The following VPS13B variants were observed in gnomAD, a reference collection of about 807,000 sequenced individuals.
The protein encoded by VPS13B is intermembrane lipid transfer protein VPS13B.
In VPS13B, 285 loss-of-function variants were observed where a neutral mutation model predicts 426.4. The observed-to-expected ratio is 0.67, with a 90% CI of 0.61 to 0.74. VPS13B has a LOEUF of 0.74. VPS13B is among the 30% of genes least tolerant of loss of function. The pLI is 0.00. For missense variants in VPS13B, 4,537 were observed against 4,782.6 expected, an observed-to-expected ratio of 0.95 and a Z score of 1.51; for synonymous variants, 1,676 against 1,676.4, an observed-to-expected ratio of 1.00 and a Z score of 0.01.
chr8:99,506,064 T>A (rs552560146), intron 27 of VPS13B, among the ~76,000 whole-genome samples: 1 of 152,224 alleles, frequency 6.6e-6, no homozygotes, highest in Non-Finnish European at 1.5e-5. Flanking sequence ...TGCAACCCAG[T>A]TGATGGCTCT....
At chr8:99,861,114 T>A (rs757539628) in intron 57 of VPS13B, among the ~76,000 whole-genome samples, 2 of 152,182 alleles carry the variant, frequency 1.3e-5, no homozygotes, top group African/African-American at 2.4e-5. Context: ...ATTTTAACCT[T>A]CAAAATTGGG....
At chr8:99,165,047 A>G (rs548866737) in intron 15 of VPS13B, among the ~76,000 whole-genome samples, 17 of 152,336 alleles carry the variant, frequency 1.1e-4, no homozygotes, top group Non-Finnish European at 2.4e-4. Flanking sequence ...GAAAATATGC[A>G]GATGAAAGAT....
intron 39 of VPS13B, among the ~76,000 whole-genome samples, chr8:99,757,204 A>T (rs1207154670): frequency 1.3e-5 from 2 of 152,162 alleles, no homozygotes; most frequent in Non-Finnish European, 2.9e-5. Context: ...AGTGATGAAG[A>T]GAGTATCCTC....
chr8:99,271,028 T>C (rs1267317449), intron 17 of VPS13B, among the ~76,000 whole-genome samples: 7 of 152,166 alleles, frequency 4.6e-5, no homozygotes, highest in Middle Eastern at 3.4e-3. Flanking sequence ...ATATATAGAA[T>C]GAAAATAGTA....
intron 30 of VPS13B, among the ~76,000 whole-genome samples, chr8:99,547,476 G>A (rs1824049324): frequency 6.6e-6 from 1 of 151,874 alleles, no homozygotes; most frequent in African/African-American, 2.4e-5. Flanking sequence ...TCTCAATTGA[G>A]CTATAAGTGA....
intron 3 of VPS13B, among the ~76,000 whole-genome samples, chr8:99,041,601 C>T (rs1842967168): frequency 6.6e-6 from 1 of 152,288 alleles, no homozygotes; most frequent in South Asian, 2.1e-4. Flanking sequence ...CGCCTGTAAT[C>T]CCAGCACTTT....
At chr8:99,017,910 CAT>C (rs1453552947) in intron 2 of VPS13B, among the ~76,000 whole-genome samples, 3 of 152,178 alleles carry the variant, frequency 2.0e-5, no homozygotes, top group African/African-American at 7.2e-5. Flanking sequence ...GATGAATTAA[CAT>C]ATTAACATTG....
intron 21 of VPS13B, among the ~76,000 whole-genome samples, chr8:99,418,324 C>G (rs576726076): frequency 6.6e-6 from 1 of 151,856 alleles, no homozygotes; most frequent in African/African-American, 2.4e-5. Context: ...TCTGATTTTT[C>G]TCCTATTAGC....
At position 99,733,007 on chromosome 8, in the gene VPS13B, G is replaced by A. The variant is rs767970508; in HGVS notation, c.7050+11960G>A. ...AATACTCTCACATTTAAAAGGGGGA[G>A]GGGAGCATTTCTCAAAATGAAGAAC... On this transcript the variant is annotated intron_variant, in intron 39 of 61. Transcript: ENST00000357162. 4.6e-5 allele frequency among the ~76,000 whole-genome samples: 7 copies of A among 152,214 alleles called. No individual in the cohort carries two copies. In the South Asian group the frequency reaches 1.0e-3, roughly 23 times the overall value.
chr8:99,790,823 C>T (rs1013701532), intron 43 of VPS13B, among the ~76,000 whole-genome samples: 3 of 152,062 alleles, frequency 2.0e-5, no homozygotes, highest in African/African-American at 7.2e-5. Context: ...GTGTGAAAGC[C>T]ACAGAGACAT....
At chr8:99,140,734 A>G (rs1298670815) in intron 12 of VPS13B, among the ~76,000 whole-genome samples, 2 of 143,534 alleles carry the variant, frequency 1.4e-5, no homozygotes, top group Non-Finnish European at 3.0e-5. Flanking sequence ...TACTTTAGTC[A>G]TTTTTGTTTA....
At chr8:99,424,620 A>G (rs1191969095) in intron 21 of VPS13B, 1 of 152,230 alleles carries the variant, frequency 6.6e-6, no homozygotes, top group Admixed American at 6.5e-5. Flanking sequence ...AAGATCTAAA[A>G]TTGACACCCT....
rs554518109 is a variant in VPS13B at position 99,876,788 on chromosome 8, T to G, written c.*1122T>G. The G allele has an allele frequency of 6.6e-6, 1 of 152,350 alleles. No homozygotes were observed. Among genetic ancestry groups the G allele is most frequent in the African/African-American group, 2.4e-5 (1 of 41,578 alleles). 9.4% of individuals were successfully genotyped at this position (152,350 alleles called of 1,614,324 possible). On this transcript the variant is annotated 3_prime_UTR_variant, in exon 62 of 62. Coordinates refer to ENST00000357162, the MANE Select transcript of VPS13B (RefSeq NM_152564.5). ...TTGCTGATTGATATTACATTTAAAC[T>G]TGGGGCTACAGCTTGTTACCTAGAA...
At chr8:99,779,114 G>A in intron 42 of VPS13B, 83 bp downstream of exon 42, 1 of 1,285,696 alleles carries the variant, frequency 7.8e-7, no homozygotes, top group Non-Finnish European at 1.1e-6. Flanking sequence ...CTGATAATAA[G>A]TTCAACACAA....
chr8:99,307,723 T>G (rs1047184047), intron 19 of VPS13B, among the ~76,000 whole-genome samples: 3 of 152,158 alleles, frequency 2.0e-5, no homozygotes, highest in Non-Finnish European at 4.4e-5. Context: ...TTCCTTTTGT[T>G]GATCCCTTTT....
intron 25 of VPS13B, among the ~76,000 whole-genome samples, chr8:99,492,241 C>T (rs1820642988): frequency 6.6e-6 from 1 of 152,206 alleles, no homozygotes; most frequent in Non-Finnish European, 1.5e-5. Context: ...CTGGAAGCTT[C>T]ATCCCAGAGG....
At chr8:99,081,254 C>A (rs1244678062) in intron 3 of VPS13B, among the ~76,000 whole-genome samples, 1 of 152,144 alleles carries the variant, frequency 6.6e-6, no homozygotes, top group African/African-American at 2.4e-5. Context: ...TGCATGGCCA[C>A]CTGTCTTTCT....
intron 30 of VPS13B, among the ~76,000 whole-genome samples, chr8:99,522,325 C>T (rs915904086): frequency 6.6e-6 from 1 of 152,164 alleles, no homozygotes; most frequent in African/African-American, 2.4e-5. Context: ...TGAAAGAAAT[C>T]TAGGTTATAT....
At chr8:99,214,055 C>T (rs1051377156) in intron 17 of VPS13B, among the ~76,000 whole-genome samples, 4 of 152,106 alleles carry the variant, frequency 2.6e-5, no homozygotes, top group Non-Finnish European at 5.9e-5. Context: ...TTATATTTGC[C>T]TGCTGGGACA....
Sources: gnomAD v4.1 joint callset for allele counts (sites outside exome capture counted in the v4.1 genomes callset) on GRCh38, gnomAD v4.1.1 for gene constraint, MANE v1.5 for transcripts, NCBI Gene and HGNC (gene_info 2026-07-23, HGNC 2026-07-21) for gene names.